PTPRT: variants seen among roughly 807,000 people sequenced by gnomAD.
The protein encoded by PTPRT is receptor-type tyrosine-protein phosphatase T.
Under a neutral mutation model 176.8 loss-of-function variants are expected in PTPRT, and 56 were observed. That is an observed-to-expected ratio of 0.32 (90% CI 0.26 to 0.40). The LOEUF (loss-of-function observed/expected upper bound fraction) is 0.40, where lower values mean the gene tolerates loss of function less well. Ranked by LOEUF, PTPRT falls within the 10% of genes least tolerant of loss-of-function variation. PTPRT has a pLI of 1.00. For synonymous variants in PTPRT, 783 were observed against 739.0 expected, an observed-to-expected ratio of 1.06 and a Z score of -0.96; for missense variants, 1,540 against 1,908.2, an observed-to-expected ratio of 0.81 and a Z score of 3.60.
At chr20:42,686,457 C>CTTTTTTTTTTTT (rs71193668) in intron 6 of PTPRT, 2 of 78,314 alleles carry the variant, frequency 2.6e-5, no homozygotes, top group Non-Finnish European at 4.6e-5. Flanking sequence ...ATAGTGCACT[C>CTTTTTTTTTTTT]TTTTTTTTTT....
intron 7 of PTPRT, among the ~76,000 whole-genome samples, chr20:42,569,385 C>T (rs1395852853): frequency 2.0e-5 from 3 of 151,912 alleles, no homozygotes; most frequent in East Asian, 1.9e-4. Context: ...ATCACAGAGT[C>T]CTGCACGCAG....
At chr20:42,325,895 C>G (rs1449663899) in intron 11 of PTPRT, among the ~76,000 whole-genome samples, 1 of 152,202 alleles carries the variant, frequency 6.6e-6, no homozygotes, top group Non-Finnish European at 1.5e-5. Flanking sequence ...CTGAACACCC[C>G]ACACACGCTC....
intron 9 of PTPRT, among the ~76,000 whole-genome samples, chr20:42,386,578 T>C (rs1348107947): frequency 6.6e-6 from 1 of 152,188 alleles, no homozygotes; most frequent in Admixed American, 6.5e-5. Context: ...CTATCTTTCA[T>C]ACCTTCATAA....
chr20:43,110,623 T>C (rs1306880100), intron 1 of PTPRT, among the ~76,000 whole-genome samples: 1 of 152,246 alleles, frequency 6.6e-6, no homozygotes, highest in Non-Finnish European at 1.5e-5. Flanking sequence ...TGTCAAGCTG[T>C]ATATTTAAGA....
intron 16 of PTPRT, among the ~76,000 whole-genome samples, chr20:42,170,430 T>A (rs1014906772): frequency 6.6e-6 from 1 of 152,126 alleles, no homozygotes; most frequent in Non-Finnish European, 1.5e-5. Context: ...AAAGGTGAAA[T>A]AATAAGACTA....
chr20:42,489,169 T>G (rs1028412724), intron 7 of PTPRT, among the ~76,000 whole-genome samples: 1 of 152,108 alleles, frequency 6.6e-6, no homozygotes, highest in East Asian at 1.9e-4. Context: ...GTTACATATG[T>G]ATACATGTTG....
At chr20:42,456,420 T>C (rs770854041) in intron 8 of PTPRT, among the ~76,000 whole-genome samples, 1 of 152,112 alleles carries the variant, frequency 6.6e-6, no homozygotes, top group Non-Finnish European at 1.5e-5. Flanking sequence ...ATAGAAATGA[T>C]GATATGTCTA....
At chr20:42,522,767 T>C (rs138324535) in intron 7 of PTPRT, among the ~76,000 whole-genome samples, 1 of 152,166 alleles carries the variant, frequency 6.6e-6, no homozygotes, top group Non-Finnish European at 1.5e-5. Context: ...GGCTTTCTTT[T>C]TCTTGACACT....
chr20:42,813,638 C>G (rs2077734011), intron 2 of PTPRT, among the ~76,000 whole-genome samples: 1 of 152,136 alleles, frequency 6.6e-6, no homozygotes, highest in South Asian at 2.1e-4. Context: ...CCTACCATAT[C>G]AGGGAAGTTT....
chr20:42,436,312 T>C (rs2059261777), intron 9 of PTPRT, among the ~76,000 whole-genome samples: 1 of 152,180 alleles, frequency 6.6e-6, no homozygotes, highest in African/African-American at 2.4e-5. Flanking sequence ...AAATTACATT[T>C]GTAACTGGCA....
At chr20:42,746,130 G>A (rs1197330814) in intron 6 of PTPRT, among the ~76,000 whole-genome samples, 2 of 152,188 alleles carry the variant, frequency 1.3e-5, no homozygotes, top group Non-Finnish European at 2.9e-5. Flanking sequence ...TGATAAAGTA[G>A]TCAAAATAAT....
chr20:42,533,207 G>T (rs1272128644), intron 7 of PTPRT, among the ~76,000 whole-genome samples: 1 of 152,160 alleles, frequency 6.6e-6, no homozygotes, highest in Non-Finnish European at 1.5e-5. Flanking sequence ...TGATGAAATC[G>T]CTACTGGCCT....
intron 12 of PTPRT, among the ~76,000 whole-genome samples, chr20:42,294,727 A>G (rs2147098464): frequency 6.6e-6 from 1 of 152,214 alleles, no homozygotes; most frequent in East Asian, 1.9e-4. Flanking sequence ...TGAATTAAAT[A>G]TCCTCAAACA....
chr20:42,650,312 G>A (rs930703904), intron 7 of PTPRT, among the ~76,000 whole-genome samples: 1 of 152,040 alleles, frequency 6.6e-6, no homozygotes, highest in African/African-American at 2.4e-5. Flanking sequence ...CACCACTGAG[G>A]TTTCTGCACA....
At chr20:43,036,014 A>T (rs1265367750) in intron 1 of PTPRT, among the ~76,000 whole-genome samples, 1 of 152,200 alleles carries the variant, frequency 6.6e-6, no homozygotes, top group Non-Finnish European at 1.5e-5. Flanking sequence ...TCCCCTGGGC[A>T]CCAGGGAGTC....
intron 1 of PTPRT, among the ~76,000 whole-genome samples, chr20:43,066,276 A>G (rs2011111250): frequency 6.6e-6 from 1 of 152,112 alleles, no homozygotes; most frequent in South Asian, 2.1e-4. Context: ...TCATCCATAA[A>G]TGTGTCTTCA....
chr20:42,923,873 G>A (rs1025487655), intron 1 of PTPRT, among the ~76,000 whole-genome samples: 1 of 149,840 alleles, frequency 6.7e-6, no homozygotes, highest in African/African-American at 2.5e-5. Context: ...ACAGAGTTTT[G>A]CTCTGTTGCC....
chr20:42,401,206 T>C (rs1201999909), intron 9 of PTPRT, among the ~76,000 whole-genome samples: 1 of 152,016 alleles, frequency 6.6e-6, no homozygotes, highest in Non-Finnish European at 1.5e-5. Flanking sequence ...GGGATGGACA[T>C]CTTAACGCAT....
At chr20:42,318,104 G>T (rs6030129) in intron 11 of PTPRT, among the ~76,000 whole-genome samples, 81,900 of 152,072 alleles carry the variant, frequency 0.54, 24,368 homozygotes, top group African/African-American at 0.82. Context: ...CATCTGAGAA[G>T]GTGTTAACAA....
Sources: allele counts gnomAD v4.1 joint callset (sites outside exome capture counted in the v4.1 genomes callset), GRCh38; gene constraint gnomAD v4.1.1; transcripts MANE v1.5; gene names NCBI Gene and HGNC (gene_info 2026-07-23, HGNC 2026-07-21).